Variants in UMAD1 observed in about 807,000 individuals in gnomAD.
UMAD1 encodes the protein UBAP1-MVB12-associated (UMA)-domain containing protein 1.
UMAD1 carries 8 observed loss-of-function variants against 6.1 expected under a neutral mutation model. The observed-to-expected ratio is 1.30, with a 90% CI of 0.76 to 2.35. The LOEUF (loss-of-function observed/expected upper bound fraction) is 2.35, where lower values mean the gene tolerates loss of function less well. UMAD1 is among the 30% of genes most tolerant of loss of function. The pLI is 0.00. For missense variants in UMAD1, 130 were observed against 78.4 expected (o/e 1.66, Z -2.49); for synonymous variants, 56 against 31.4 (o/e 1.78, Z -2.61).
At chr7:7,732,309 TG>T (rs1781275600) in intron 2 of UMAD1, among the ~76,000 whole-genome samples, 1 of 152,022 alleles carries the variant, frequency 6.6e-6, no homozygotes, top group Admixed American at 6.5e-5. Flanking sequence ...ATAAATTCTG[TG>T]AAGTGAAAGA....
chr7:7,862,177 C>T (rs889498592), intron 3 of UMAD1, among the ~76,000 whole-genome samples: 4 of 151,644 alleles, frequency 2.6e-5, no homozygotes, highest in African/African-American at 9.7e-5. Context: ...TGCATTCAGT[C>T]GATATCATAT....
chr7:7,682,143 T>C (rs898666261), intron 2 of UMAD1, among the ~76,000 whole-genome samples: 1 of 152,194 alleles, frequency 6.6e-6, no homozygotes, highest in Non-Finnish European at 1.5e-5. Context: ...TTTCAGAATA[T>C]GCAGGTGCTT....
chr7:7,841,488 G>T (rs73057745), intron 3 of UMAD1, among the ~76,000 whole-genome samples: 36,644 of 151,724 alleles, frequency 0.24, 5,500 homozygotes, highest in Middle Eastern at 0.34. Flanking sequence ...ATTTTTTGTA[G>T]AGTTGGGTTC....
At chr7:7,715,414 A>C (rs28912677) in intron 2 of UMAD1, among the ~76,000 whole-genome samples, 3 of 152,338 alleles carry the variant, frequency 2.0e-5, no homozygotes, top group East Asian at 3.9e-4. Context: ...GCTACTGATA[A>C]CCAAAGCTAG....
At chr7:7,652,621 T>G (rs1012937736) in intron 1 of UMAD1, among the ~76,000 whole-genome samples, 1 of 152,186 alleles carries the variant, frequency 6.6e-6, no homozygotes, top group Non-Finnish European at 1.5e-5. Context: ...AGGCAGGAAG[T>G]AGATTGGTTA....
intron 2 of UMAD1, among the ~76,000 whole-genome samples, chr7:7,702,759 C>T (rs1404785646): frequency 6.6e-6 from 1 of 152,004 alleles, no homozygotes; most frequent in Non-Finnish European, 1.5e-5. Flanking sequence ...TTTGACAAGC[C>T]ACTCCATCTG....
At chr7:7,857,584 T>G (rs1215062744) in intron 3 of UMAD1, among the ~76,000 whole-genome samples, 3 of 152,216 alleles carry the variant, frequency 2.0e-5, no homozygotes, top group Non-Finnish European at 2.9e-5. Flanking sequence ...TGTTGTGACT[T>G]TGAGTTCTTA....
At chr7:7,665,378 A>G (rs1406048045) in intron 1 of UMAD1, among the ~76,000 whole-genome samples, 1 of 152,158 alleles carries the variant, frequency 6.6e-6, no homozygotes, top group East Asian at 1.9e-4. Context: ...GTTTTGTGTG[A>G]TGCATGCAGA....
At chr7:7,809,877 C>G (rs1356322983) in intron 3 of UMAD1, among the ~76,000 whole-genome samples, 2 of 151,968 alleles carry the variant, frequency 1.3e-5, no homozygotes, top group African/African-American at 2.4e-5. Flanking sequence ...GCTTTTATTT[C>G]AGATAGTTAT....
chr7:7,802,260 C>G (rs1035058338), intron 3 of UMAD1, among the ~76,000 whole-genome samples: 2 of 152,204 alleles, frequency 1.3e-5, no homozygotes, highest in Non-Finnish European at 2.9e-5. Context: ...TGCCTGTCAT[C>G]CCAGCTACTT....
At chr7:7,832,268 G>T (rs1307246068) in intron 3 of UMAD1, among the ~76,000 whole-genome samples, 1 of 152,074 alleles carries the variant, frequency 6.6e-6, no homozygotes, top group African/African-American at 2.4e-5. Flanking sequence ...TCTTAATCTT[G>T]ACATTCAGTG....
intron 3 of UMAD1, among the ~76,000 whole-genome samples, chr7:7,874,553 A>G (rs1784383130): frequency 6.6e-6 from 1 of 152,132 alleles, no homozygotes; most frequent in Admixed American, 6.5e-5. Flanking sequence ...ACAGTGGCTC[A>G]CGCCTGTAAT....
chr7:7,846,694 G>A (rs541665623), intron 3 of UMAD1, among the ~76,000 whole-genome samples: 4 of 151,848 alleles, frequency 2.6e-5, no homozygotes, highest in African/African-American at 9.7e-5. Flanking sequence ...TTAGATTGTC[G>A]AAACCAATAC....
At chr7:7,676,095 T>A in intron 2 of UMAD1, 1 of 398,660 alleles carries the variant, frequency 2.5e-6, no homozygotes, top group Non-Finnish European at 4.4e-6. Context: ...TCTTCCTTCT[T>A]CCGCAGAAGC....
At chr7:7,674,127 C>T (rs905679300) in intron 2 of UMAD1, among the ~76,000 whole-genome samples, 2 of 152,170 alleles carry the variant, frequency 1.3e-5, no homozygotes, top group Non-Finnish European at 2.9e-5. Context: ...GGTAGTCAAA[C>T]CCAGTGTTTC....
At chr7:7,741,707 TAAAC>T (rs1458990347) in intron 2 of UMAD1, among the ~76,000 whole-genome samples, 1 of 151,690 alleles carries the variant, frequency 6.6e-6, no homozygotes, top group African/African-American at 2.4e-5. Context: ...AACAATAACT[TAAAC>T]AAACTTAAAC....
chr7:7,688,005 A>G (rs774645287), intron 2 of UMAD1, among the ~76,000 whole-genome samples: 2 of 152,222 alleles, frequency 1.3e-5, no homozygotes, highest in Non-Finnish European at 2.9e-5. Flanking sequence ...GAAGAAGTTG[A>G]TAACTGAGAT....
At chr7:7,752,503 C>T (rs1294792024) in intron 2 of UMAD1, among the ~76,000 whole-genome samples, 3 of 151,980 alleles carry the variant, frequency 2.0e-5, no homozygotes, top group Non-Finnish European at 4.4e-5. Context: ...TGAAATTTTG[C>T]AACTCATAAA....
chr7:7,818,376 G>A (rs1302456852), intron 3 of UMAD1, among the ~76,000 whole-genome samples: 1 of 151,936 alleles, frequency 6.6e-6, no homozygotes, highest in African/African-American at 2.4e-5. Context: ...CAGACACTTT[G>A]CAAAAGACAT....
Sources: gnomAD v4.1 joint callset for allele counts (sites outside exome capture counted in the v4.1 genomes callset) on GRCh38, gnomAD v4.1.1 for gene constraint, MANE v1.5 for transcripts, NCBI Gene and HGNC (gene_info 2026-07-23, HGNC 2026-07-21) for gene names.